RABGAP1L: variants seen among roughly 807,000 people sequenced by gnomAD.
The protein encoded by RABGAP1L is rab GTPase-activating protein 1-like.
In RABGAP1L, 63 loss-of-function variants were observed where a neutral mutation model predicts 137.7. That is an observed-to-expected ratio of 0.46 (90% CI 0.37 to 0.56). The LOEUF is 0.56. RABGAP1L is among the 20% of genes least tolerant of loss of function. The pLI is 0.00. For missense variants in RABGAP1L, 1,095 were observed against 1,244.0 expected (o/e 0.88, Z 1.80); for synonymous variants, 431 against 433.7 (o/e 0.99, Z 0.08).
chr1:174,699,038 A>G (rs1319703356), intron 15 of RABGAP1L, among the ~76,000 whole-genome samples: 3 of 151,554 alleles, frequency 2.0e-5, no homozygotes, highest in East Asian at 1.9e-4. Flanking sequence ...TCTGTCACCC[A>G]TGCTGTAATG....
intron 11 of RABGAP1L, among the ~76,000 whole-genome samples, chr1:174,305,501 C>G (rs2148772177): frequency 6.6e-6 from 1 of 152,214 alleles, no homozygotes; most frequent in Non-Finnish European, 1.5e-5. Context: ...TCTCCTGCCT[C>G]AGCCTCCTGA....
At chr1:174,725,341 A>T (rs1681893960) in intron 17 of RABGAP1L, among the ~76,000 whole-genome samples, 1 of 152,232 alleles carries the variant, frequency 6.6e-6, no homozygotes, top group African/African-American at 2.4e-5. Context: ...GTCTAAGAAA[A>T]TAGGAAACAT....
chr1:174,240,269 C>G (rs746484702), intron 4 of RABGAP1L, among the ~76,000 whole-genome samples: 7 of 152,080 alleles, frequency 4.6e-5, no homozygotes, highest in Non-Finnish European at 8.8e-5. Context: ...GTTTTTGAGA[C>G]ACAGTTTCAC....
rs1472076251 is a variant in RABGAP1L at position 174,943,872 on chromosome 1, C to T, written c.2341-13585C>T. On this transcript the variant is annotated intron_variant, in intron 19 of 25. Coordinates refer to ENST00000681986, the MANE Select transcript of RABGAP1L (RefSeq NM_001366446.1). ...TCTCCCCACCAGACTGTAAACTCCT[C>T]CAGGGGATAGACTGTGCCTTTGTTC... 3.3e-5 allele frequency among the ~76,000 whole-genome samples: 5 copies of T among 152,132 alleles called. No individual in the cohort carries two copies. The East Asian group carries it at 5.8e-4, about 18-fold the overall frequency.
At chr1:174,793,583 T>A (rs1230462395) in intron 18 of RABGAP1L, among the ~76,000 whole-genome samples, 2 of 152,244 alleles carry the variant, frequency 1.3e-5, no homozygotes, top group East Asian at 3.8e-4. Flanking sequence ...AAGCTCAGTC[T>A]CATTACATTT....
chr1:174,980,756 A>G (rs1671029612), intron 23 of RABGAP1L, among the ~76,000 whole-genome samples: 1 of 152,226 alleles, frequency 6.6e-6, no homozygotes, highest in Non-Finnish European at 1.5e-5. Flanking sequence ...ATAATCAAAG[A>G]CATATTATTG....
At chr1:174,849,410 C>T (rs1441747128) in intron 19 of RABGAP1L, among the ~76,000 whole-genome samples, 2 of 152,166 alleles carry the variant, frequency 1.3e-5, no homozygotes, top group Non-Finnish European at 2.9e-5. Flanking sequence ...CCTAAAATAA[C>T]ACGCTCTTTT....
chr1:174,414,109 T>C (rs1345722274), intron 13 of RABGAP1L, among the ~76,000 whole-genome samples: 7 of 152,210 alleles, frequency 4.6e-5, no homozygotes, highest in Non-Finnish European at 8.8e-5. Flanking sequence ...TTTATGGCAG[T>C]AAATTATAAC....
At chr1:174,941,982 A>G (rs1454914583) in intron 19 of RABGAP1L, among the ~76,000 whole-genome samples, 1 of 152,208 alleles carries the variant, frequency 6.6e-6, no homozygotes, top group Non-Finnish European at 1.5e-5. Context: ...TACACAGTAG[A>G]TATTTATTAT....
chr1:174,622,296 T>C lies in RABGAP1L; in HGVS notation c.1711-15079T>C, dbSNP rs1028297413. On this transcript the variant is annotated intron_variant, in intron 13 of 25. Transcript: ENST00000681986. The stretch of plus-strand genomic sequence containing the variant: ...TCAACCATTGTGGAAGTCAGTGTGG[T>C]GATTCCTCAAGGATCTAGAACTAGG... Among the ~76,000 whole-genome samples, 3 of 152,262 alleles carry C rather than the reference T, an allele frequency of 2.0e-5. No individual in the cohort carries two copies. In the East Asian group the frequency reaches 5.8e-4, roughly 29 times the overall value.
intron 19 of RABGAP1L, among the ~76,000 whole-genome samples, chr1:174,894,228 A>G (rs1416924151): frequency 2.0e-5 from 3 of 152,246 alleles, no homozygotes; most frequent in Non-Finnish European, 4.4e-5. Flanking sequence ...TAACAGTCAC[A>G]CATTAATTTA....
chr1:174,377,243 G>GA (rs1035045916), intron 12 of RABGAP1L, among the ~76,000 whole-genome samples: 20 of 152,214 alleles, frequency 1.3e-4, no homozygotes, highest in Non-Finnish European at 2.5e-4. Context: ...TTCATGGAAT[G>GA]AAAAAATCTC....
intron 19 of RABGAP1L, among the ~76,000 whole-genome samples, chr1:174,852,666 A>G (rs1334347251): frequency 6.6e-6 from 1 of 152,116 alleles, no homozygotes; most frequent in Non-Finnish European, 1.5e-5. Flanking sequence ...ATACAAAAAA[A>G]TTAGCTGGGC....
At chr1:174,247,444 A>G (rs1672360159) in intron 5 of RABGAP1L, among the ~76,000 whole-genome samples, 1 of 152,216 alleles carries the variant, frequency 6.6e-6, no homozygotes, top group Non-Finnish European at 1.5e-5. Context: ...GCATATAGAG[A>G]TGAAAAGGGA....
chr1:174,842,349 G>A (rs1250727658), intron 19 of RABGAP1L, among the ~76,000 whole-genome samples: 1 of 152,112 alleles, frequency 6.6e-6, no homozygotes, highest in African/African-American at 2.4e-5. Flanking sequence ...CTCCTGAGGT[G>A]TGCTACTTTT....
chr1:174,426,674 A>G (rs1316905428), intron 13 of RABGAP1L, among the ~76,000 whole-genome samples: 1 of 152,104 alleles, frequency 6.6e-6, no homozygotes, highest in Non-Finnish European at 1.5e-5. Context: ...CCTAGAGTAA[A>G]TGTTGACTGT....
At chr1:174,201,074 C>T (rs1668058950) in intron 1 of RABGAP1L, among the ~76,000 whole-genome samples, 1 of 152,016 alleles carries the variant, frequency 6.6e-6, no homozygotes, top group African/African-American at 2.4e-5. Context: ...TTAGTCTGCT[C>T]CTATCATTAT....
chr1:174,273,548 C>CT (rs35854979), intron 8 of RABGAP1L, among the ~76,000 whole-genome samples: 162 of 145,224 alleles, frequency 1.1e-3, no homozygotes, highest in Middle Eastern at 3.6e-3. Flanking sequence ...TCTCTTACAT[C>CT]TTTTTTTTTT....
At chr1:174,433,201 C>T (rs1158551151) in intron 13 of RABGAP1L, among the ~76,000 whole-genome samples, 2 of 152,144 alleles carry the variant, frequency 1.3e-5, no homozygotes, top group Non-Finnish European at 2.9e-5. Context: ...CATGCCAACC[C>T]AAATCTGTCT....
Sources: allele counts gnomAD v4.1 joint callset (sites outside exome capture counted in the v4.1 genomes callset), GRCh38; gene constraint gnomAD v4.1.1; transcripts MANE v1.5; gene names NCBI Gene and HGNC (gene_info 2026-07-23, HGNC 2026-07-21).